The following NRF1 variants were observed in gnomAD, a reference collection of about 807,000 sequenced individuals.
NRF1 encodes nuclear respiratory factor 1.
Under a neutral mutation model 58.5 loss-of-function variants are expected in NRF1, and 5 were observed. That is an observed-to-expected ratio of 0.09 (90% CI 0.04 to 0.18). The LOEUF is 0.18. NRF1 is among the 10% of genes least tolerant of loss of function. The probability of loss-of-function intolerance (pLI) is 1.00; values close to 1 mark genes in which losing one functional copy is unlikely to be tolerated. For synonymous variants in NRF1, 224 were observed against 246.7 expected, an observed-to-expected ratio of 0.91 and a Z score of 0.86; for missense variants, 288 against 657.7, an observed-to-expected ratio of 0.44 and a Z score of 6.15.
At chr7:129,736,721 C>G (rs774799887) in intron 10 of NRF1, among the ~76,000 whole-genome samples, 1 of 149,144 alleles carries the variant, frequency 6.7e-6, no homozygotes, top group Non-Finnish European at 1.5e-5. Flanking sequence ...CCCACCCCCA[C>G]CCCCACCCCT....
intron 1 of NRF1, among the ~76,000 whole-genome samples, chr7:129,629,803 G>A (rs1691161288): frequency 1.3e-5 from 2 of 152,160 alleles, no homozygotes; most frequent in East Asian, 1.9e-4. Context: ...AGCACATGAA[G>A]GTGAAAGATA....
chr7:129,668,707 C>A (rs1421581045), intron 2 of NRF1, among the ~76,000 whole-genome samples: 2 of 152,136 alleles, frequency 1.3e-5, no homozygotes, highest in African/African-American at 2.4e-5. Context: ...AATCTAGAAA[C>A]ATTATTCTAA....
intron 3 of NRF1, among the ~76,000 whole-genome samples, chr7:129,672,750 G>C (rs1455432448): frequency 6.6e-6 from 1 of 152,160 alleles, no homozygotes; most frequent in Non-Finnish European, 1.5e-5. Context: ...GTGAGGGTGA[G>C]GCAGAATCAG....
chr7:129,734,510 G>A (rs976932442), intron 10 of NRF1, among the ~76,000 whole-genome samples: 2 of 152,190 alleles, frequency 1.3e-5, no homozygotes, highest in African/African-American at 4.8e-5. Flanking sequence ...GTCTAGTTTA[G>A]CCACAGCACC....
chr7:129,675,051 T>G (rs1236868079), intron 3 of NRF1, among the ~76,000 whole-genome samples: 1 of 152,208 alleles, frequency 6.6e-6, no homozygotes, highest in East Asian at 1.9e-4. Flanking sequence ...ATTCAGTTTG[T>G]GTAATATTCT....
intron 5 of NRF1, among the ~76,000 whole-genome samples, chr7:129,692,011 G>C (rs150966396): frequency 1.3e-5 from 2 of 152,050 alleles, no homozygotes; most frequent in African/African-American, 2.4e-5. Context: ...TCAGTTAATC[G>C]AACTACTGTC....
chr7:129,639,361 T>G (rs1298629535), intron 1 of NRF1, among the ~76,000 whole-genome samples: 2 of 152,172 alleles, frequency 1.3e-5, no homozygotes, highest in Non-Finnish European at 2.9e-5. Flanking sequence ...ATTGGCGTGG[T>G]TCCAGTTTTA....
intron 9 of NRF1, among the ~76,000 whole-genome samples, chr7:129,723,263 G>A (rs970168314): frequency 6.6e-5 from 10 of 152,004 alleles, no homozygotes; most frequent in African/African-American, 2.4e-4. Context: ...GGCCAACATG[G>A]AGAAACCCCG....
In NRF1 at chr7:129,727,127, T is replaced by A. The variant is rs1803467259; in HGVS notation, c.1224-114T>A. 4.5e-6 allele frequency: 5 copies of A among 1,116,324 alleles called. No homozygotes were observed. In the African/African-American group the frequency reaches 8.1e-5, roughly 18 times the overall value. The allele number at this position is 1,116,324 out of a possible 1,614,324, so 69.2% of individuals were successfully genotyped here. A position where few individuals can be genotyped will look rare whatever the true frequency, so the allele number is the denominator to read the frequency against. ...TGTTATCACATATTTGCTGGTAGGA[T>A]CACAACCATGGAGTCAGTAGAAAGA... is the stretch of plus-strand genomic sequence containing the variant. On this transcript the variant is annotated intron_variant, in intron 9 of 10. Coordinates refer to ENST00000393232, the MANE Select transcript of NRF1 (RefSeq NM_005011.5).
intron 1 of NRF1, among the ~76,000 whole-genome samples, chr7:129,639,545 C>CTT (rs11325662): frequency 8.1e-6 from 1 of 123,910 alleles, no homozygotes; most frequent in Non-Finnish European, 1.7e-5. Flanking sequence ...CCCCACAACC[C>CTT]TTTTTTTTTT....
chr7:129,684,467 C>T (rs867496945), intron 4 of NRF1, among the ~76,000 whole-genome samples: 5 of 151,922 alleles, frequency 3.3e-5, no homozygotes, highest in South Asian at 2.1e-4. Context: ...AAATATTAAC[C>T]GAAAACCTCA....
intron 1 of NRF1, among the ~76,000 whole-genome samples, chr7:129,649,250 T>A (rs1669303585): frequency 6.6e-6 from 1 of 152,166 alleles, no homozygotes; most frequent in Admixed American, 6.6e-5. Context: ...TCTATCCTAG[T>A]TATGCAGTTT....
chr7:129,706,824 C>T (rs1206670120), intron 5 of NRF1, among the ~76,000 whole-genome samples: 1 of 152,054 alleles, frequency 6.6e-6, no homozygotes, highest in Non-Finnish European at 1.5e-5. Context: ...AGAAGTGAAG[C>T]GATCACCAGA....
chr7:129,642,777 A>C (rs1298058378), intron 1 of NRF1, among the ~76,000 whole-genome samples: 2 of 126,980 alleles, frequency 1.6e-5, no homozygotes, highest in Admixed American at 9.2e-5. Flanking sequence ...TTTTTTTTTT[A>C]AATGAGATAG....
intron 1 of NRF1, among the ~76,000 whole-genome samples, chr7:129,615,568 G>A (rs948221579): frequency 6.6e-6 from 1 of 152,118 alleles, no homozygotes; most frequent in African/African-American, 2.4e-5. Context: ...TTCCTTGATA[G>A]CTAAAGCTAG....
rs1803836282 is a variant in NRF1, at chr7:129,741,126, G to A, written c.1348+13761G>A. 6.6e-6 allele frequency among the ~76,000 whole-genome samples: 1 copy of A among 152,128 alleles called. No homozygotes were observed. The highest frequency in any genetic ancestry group is 2.4e-5 in the African/African-American group (1 of 41,424). On this transcript the variant is annotated intron_variant, in intron 10 of 10. Coordinates refer to ENST00000393232, the MANE Select transcript of NRF1 (RefSeq NM_005011.5). This position sits in a 1 kb window ranked among gnomAD's most constrained non-coding sequence, Gnocchi z 4.0. ...AATTCATTTACTCTTTGGTCTGCCT[G>A]TGTTGGGTATTCTCAGCTTGGGGAA...
chr7:129,742,275 T>TAAAAAA (rs71167214), intron 10 of NRF1, among the ~76,000 whole-genome samples: 1 of 126,786 alleles, frequency 7.9e-6, no homozygotes, highest in Non-Finnish European at 1.7e-5. Flanking sequence ...TGAAATTGAT[T>TAAAAAA]AAAAAAAAAA....
rs539287361 is a variant in NRF1 at position 129,664,995 on chromosome 7, G to A, written c.224-6434G>A. 2.2e-3 allele frequency among the ~76,000 whole-genome samples: 335 copies of A among 152,316 alleles called. 1 individual carries two copies. The highest frequency in any genetic ancestry group is 3.8e-3 in the Non-Finnish European group (259 of 68,020). ...AAAATAATTTGAGAAAGCATTGGAT[G>A]CTCTGAATAAAATAATGCGGGAAGG... is the stretch of plus-strand genomic sequence containing the variant. On this transcript the variant is annotated intron_variant, in intron 2 of 10. Coordinates refer to ENST00000393232, the MANE Select transcript of NRF1 (RefSeq NM_005011.5).
In NRF1 at chr7:129,755,374, G is replaced by A; in HGVS notation, c.*193G>A. ...GCACCACTCTTGATTTTCTGGGATT[G>A]GTGAAGAAACTGCATTGTCAATTTC... On this transcript the variant is annotated 3_prime_UTR_variant, in exon 11 of 11. Coordinates refer to ENST00000393232, the MANE Select transcript of NRF1 (RefSeq NM_005011.5). This position sits in a 1 kb window ranked among gnomAD's most constrained non-coding sequence, Gnocchi z 5.8. 1.8e-6 allele frequency: 1 copy of A among 568,856 alleles called. No homozygotes were observed. The highest frequency in any genetic ancestry group is 2.9e-6 in the Non-Finnish European group (1 of 344,314). The allele number at this position is 568,856 out of a possible 1,614,324, so 35.2% of individuals were successfully genotyped here.
Sources: allele counts gnomAD v4.1 joint callset (sites outside exome capture counted in the v4.1 genomes callset), GRCh38; gene constraint gnomAD v4.1.1; non-coding constraint Gnocchi (gnomAD v3.1); transcripts MANE v1.5; gene names NCBI Gene and HGNC (gene_info 2026-07-23, HGNC 2026-07-21).